Variants in CCDC74A observed in about 807,000 individuals in gnomAD.
CCDC74A encodes coiled-coil domain-containing protein 74A.
In CCDC74A, 38 loss-of-function variants were observed where a neutral mutation model predicts 37.6. The ratio of observed to expected loss-of-function variants is 1.01; its 90% confidence interval spans 0.78 to 1.33. The LOEUF (loss-of-function observed/expected upper bound fraction) is 1.33, where lower values mean the gene tolerates loss of function less well. Ranked by LOEUF, CCDC74A falls within the 40% of genes most tolerant of loss-of-function variation. The pLI, the probability that CCDC74A is intolerant of heterozygous loss-of-function variation, is 0.00. For synonymous variants in CCDC74A, 134 were observed against 165.2 expected (o/e 0.81, Z 1.45); for missense variants, 340 against 403.4 (o/e 0.84, Z 1.35).
intron 1 of CCDC74A, 146 bp from the exon 2 acceptor site, chr2:131,529,501 G>A (rs768337007): frequency 9.3e-6 from 10 of 1,071,188 alleles, no homozygotes; most frequent in Admixed American, 1.8e-5. Flanking sequence ...GCGTGGTGGA[G>A]AGCGGGATCC....
chr2:131,527,944 A>C lies in CCDC74A; in HGVS notation c.-27A>C. On this transcript the variant is annotated 5_prime_UTR_variant, in exon 1 of 8. Coordinates refer to ENST00000409856, the MANE Select transcript of CCDC74A (RefSeq NM_001258306.3). ...GGCCACTGAGCCGGGGTGCAGTGGC[A>C]GCGGGAGAGTACCTGGCGATGGCGA... 7.1e-7 allele frequency: 1 copy of C among 1,414,176 alleles called. No homozygotes were observed. Among genetic ancestry groups the C allele is most frequent in the Non-Finnish European group, 9.3e-7 (1 of 1,080,104 alleles). 87.6% of individuals were successfully genotyped at this position (1,414,176 alleles called of 1,614,324 possible). A position where few individuals can be genotyped will look rare whatever the true frequency, so the allele number is the denominator to read the frequency against.
intron 4 of CCDC74A, 91 bp from the exon 5 acceptor site, chr2:131,532,498 T>C (rs546099762): frequency 1.3e-5 from 19 of 1,432,530 alleles, no homozygotes; most frequent in African/African-American, 1.0e-4. Flanking sequence ...CTTCCCCACA[T>C]TGGCCTGGGC....
Position 131,533,493 on chromosome 2 carries a change from G to C in CCDC74A, c.*95G>C. 1 of 1,533,808 alleles carries C rather than the reference G, an allele frequency of 6.5e-7. No homozygotes were observed. Among genetic ancestry groups the C allele is most frequent in the South Asian group, 1.2e-5 (1 of 80,978 alleles). Reference sequence around the variant, plus strand: ...TGATACTTCCGCTACTTTTAGGCCTGGCTAAATTCCAAGACAGATAACACT... The same window carrying C: ...TGATACTTCCGCTACTTTTAGGCCTCGCTAAATTCCAAGACAGATAACACT... On this transcript the variant is annotated 3_prime_UTR_variant, in exon 8 of 8. Transcript: ENST00000409856.
At chr2:131,523,696 A>G (rs1253626088), upstream of CCDC74A, among the ~76,000 whole-genome samples, 2 of 152,198 alleles carry the variant, frequency 1.3e-5, no homozygotes, top group African/African-American at 4.8e-5. Context: ...GATGGGCCAC[A>G]CCTATTTCAC....
At position 131,528,091 on chromosome 2, in the gene CCDC74A, C is replaced by T; in HGVS notation, c.121C>T (p.Leu41Phe). The T allele has an allele frequency of 1.2e-6, 2 of 1,613,146 alleles. No homozygotes were observed. Among genetic ancestry groups the T allele is most frequent in the Non-Finnish European group, 1.7e-6 (2 of 1,179,686 alleles). ...GTCCTTGAGGCCGCAGAGCCCGCAGCTCAGGCAGAGCGACCCGCAGAAACG... is the reference window on the plus strand; with the variant it reads ...GTCCTTGAGGCCGCAGAGCCCGCAGTTCAGGCAGAGCGACCCGCAGAAACG... ...VQSLRPQSPQLRQSDPQKRNL... is the reference protein window; with the variant it reads ...VQSLRPQSPQFRQSDPQKRNL... Residue 41 changes from leucine (L) to phenylalanine (F), a missense_variant, in exon 1 of 8, where the codon CTC (leucine) becomes TTC (phenylalanine). Coordinates refer to ENST00000409856, the MANE Select transcript of CCDC74A (RefSeq NM_001258306.3).
upstream of CCDC74A, among the ~76,000 whole-genome samples, chr2:131,526,980 T>A (rs1274660330): frequency 6.0e-5 from 9 of 150,722 alleles, no homozygotes; most frequent in Non-Finnish European, 1.2e-4. Context: ...CTATGTTCCC[T>A]TCCTCCAGGT....
intron 2 of CCDC74A, chr2:131,530,446 T>C: frequency 6.5e-7 from 1 of 1,546,740 alleles, no homozygotes; most frequent in Non-Finnish European, 8.7e-7. Flanking sequence ...CAGTGAGCTG[T>C]TCTGGGCAAA....
At position 131,527,986 on chromosome 2, in the gene CCDC74A, G is replaced by C. The variant is rs1680452926; in HGVS notation, c.16G>C (p.Val6Leu). Residue 6 changes from valine to leucine, a missense_variant, in exon 1 of 8, where the codon GTG (valine) becomes CTG (leucine). Val to Leu is a conservative substitution (Grantham distance 32). Transcript: ENST00000409856. MSGAG[V>L]AAGTRPPSSP... ...CGATGGCGATATGAGCGGTGCGGGG[G>C]TGGCGGCTGGGACGCGGCCCCCCAG... The C allele has an allele frequency of 6.9e-7, 1 of 1,457,832 alleles. No individual in the cohort carries two copies. The highest frequency in any genetic ancestry group is 9.0e-7 in the Non-Finnish European group (1 of 1,106,200). 90.3% of individuals were successfully genotyped at this position (1,457,832 alleles called of 1,614,324 possible). A position where few individuals can be genotyped will look rare whatever the true frequency, so the allele number is the denominator to read the frequency against.
intron 1 of CCDC74A, chr2:131,528,703 C>G (rs890207080): frequency 7.5e-6 from 3 of 399,240 alleles, no homozygotes; most frequent in East Asian, 6.7e-5. Context: ...CCCAGCTACT[C>G]GGGAGGCTGA....
upstream of CCDC74A, among the ~76,000 whole-genome samples, chr2:131,527,478 G>C (rs1680393887): frequency 6.6e-6 from 1 of 152,012 alleles, no homozygotes; most frequent in Non-Finnish European, 1.5e-5. Flanking sequence ...TTCCATTCAG[G>C]CTGGAAAGGA....
chr2:131,523,201 G>T (rs560745712), upstream of CCDC74A, among the ~76,000 whole-genome samples: 2 of 152,192 alleles, frequency 1.3e-5, no homozygotes, highest in Non-Finnish European at 2.9e-5. Flanking sequence ...CACCACGCTG[G>T]AGAGAGGCCT....
chr2:131,526,691 T>G (rs1425819814), upstream of CCDC74A, among the ~76,000 whole-genome samples: 1 of 152,224 alleles, frequency 6.6e-6, no homozygotes, highest in Non-Finnish European at 1.5e-5. Flanking sequence ...GGGCTGGTCG[T>G]GCTCAACCAG....
In CCDC74A at chr2:131,532,953, A is replaced by G; in HGVS notation, c.752+16A>G. 1 of 1,613,816 alleles carries G rather than the reference A, an allele frequency of 6.2e-7. No homozygotes were observed. The highest frequency in any genetic ancestry group is 1.1e-5 in the South Asian group (1 of 91,072). On this transcript the variant is annotated intron_variant, in intron 6 of 7. Transcript: ENST00000409856. ...GCTTTCCCAGGTGAGTGCCTGGTGC[A>G]CCCCTGCCCCATCCCTGGGGTCCTA...
In CCDC74A at chr2:131,533,025, C is replaced by T. The variant is rs755355913; in HGVS notation, c.765C>T (p.Ala255=). Residue 255 remains alanine, a synonymous_variant, in exon 7 of 8, where the codon GCC becomes GCT. Coordinates refer to ENST00000409856, the MANE Select transcript of CCDC74A (RefSeq NM_001258306.3). ...TTCCTTCACCCAGGGACCAAGAAGC[C>T]ACGCATTTCCCCAAGGTCTCCACCA... ...EEASFPRDQE[A]THFPKVSTKS... is the part of the protein sequence containing the mutation. 12 of 1,613,834 alleles carry T rather than the reference C, an allele frequency of 7.4e-6. No homozygotes were observed. In the East Asian group the frequency reaches 2.5e-4, roughly 33 times the overall value.
At chr2:131,526,896 T>C (rs535456902), upstream of CCDC74A, among the ~76,000 whole-genome samples, 1 of 152,048 alleles carries the variant, frequency 6.6e-6, no homozygotes, top group Non-Finnish European at 1.5e-5. Flanking sequence ...TTGTATCCCC[T>C]GTTATTATAC....
In CCDC74A at chr2:131,529,423, C is replaced by T. The variant is rs184436886; in HGVS notation, c.251-224C>T. ...TCCAGTCATCTCAGATGGATGAGGC[C>T]GATATGCCCGGTGGGCTCTGCCTAG... On this transcript the variant is annotated intron_variant, in intron 1 of 7. Coordinates refer to ENST00000409856, the MANE Select transcript of CCDC74A (RefSeq NM_001258306.3). 2.3e-4 allele frequency: 156 copies of T among 691,776 alleles called. 1 individual carries two copies. Among genetic ancestry groups the T allele is most frequent in the African/African-American group, 2.2e-3 (128 of 56,928 alleles). The allele number at this position is 691,776 out of a possible 1,614,324, so 42.9% of individuals were successfully genotyped here.
At chr2:131,525,782 C>G (rs1465843968), upstream of CCDC74A, among the ~76,000 whole-genome samples, 1 of 135,920 alleles carries the variant, frequency 7.4e-6, no homozygotes, top group East Asian at 2.4e-4. Flanking sequence ...GCAGTGGTAC[C>G]ATCTTGGCTC....
Position 131,530,245 on chromosome 2 carries a change from C to T in CCDC74A, c.296-532C>T, listed in dbSNP as rs759351857. 3.0e-5 allele frequency: 47 copies of T among 1,546,532 alleles called. 1 individual carries two copies. The highest frequency in any genetic ancestry group is 5.9e-5 in the Admixed American group (3 of 50,972). On this transcript the variant is annotated intron_variant, in intron 2 of 7. Transcript: ENST00000409856. ...CAGCGGCCCCCACCCAGCCCAGGAT[C>T]CTGGGCTGTGGTCTCAAGCTCACTT... is the stretch of plus-strand genomic sequence containing the variant.
At position 131,532,752 on chromosome 2, in the gene CCDC74A, T is replaced by C. The variant is rs753996868; in HGVS notation, c.649T>C (p.Trp217Arg). Residue 217 changes from tryptophan to arginine, a missense_variant, in exon 5 of 8, where the codon TGG becomes CGG. Physicochemically the swap from Trp to Arg is moderately radical, Grantham distance 101. This residue lies in a region of CCDC74A where 185 missense variants were observed against 231.5 expected (regional missense o/e 0.80). Coordinates refer to ENST00000409856, the MANE Select transcript of CCDC74A (RefSeq NM_001258306.3). ...RQCEVLIREL[W>R]NTNLLQTQEL... The stretch of plus-strand genomic sequence containing the variant: ...GTGCGAAGTGCTCATCCGCGAGCTG[T>C]GGAATACCAACCTCCTGCAGACCCA... The C allele has an allele frequency of 5.0e-6, 8 of 1,613,524 alleles. No homozygotes were observed. The highest frequency in any genetic ancestry group is 5.9e-6 in the Non-Finnish European group (7 of 1,179,756).
Sources: gnomAD v4.1 joint callset for allele counts (sites outside exome capture counted in the v4.1 genomes callset) on GRCh38, gnomAD v4.1.1 for gene constraint, gnomAD v4.1.1 regional missense constraint, MANE v1.5 for transcripts, NCBI Gene and HGNC (gene_info 2026-07-23, HGNC 2026-07-21) for gene names.